Variants in FCRL3 observed in about 807,000 individuals in gnomAD.
FCRL3 encodes Fc receptor-like protein 3.
A neutral mutation model predicts 75.0 loss-of-function variants in FCRL3; 89 were observed. The ratio of observed to expected loss-of-function variants is 1.19; its 90% confidence interval spans 1.00 to 1.42. FCRL3 has a LOEUF of 1.42. FCRL3 is among the 40% of genes most tolerant of loss of function. The pLI, the probability that FCRL3 is intolerant of heterozygous loss-of-function variation, is 0.00. For missense variants in FCRL3, 946 were observed against 880.0 expected (o/e 1.07, Z -0.95); for synonymous variants, 376 against 348.5 (o/e 1.08, Z -0.88).
chr1:157,690,456 A>G lies in FCRL3; in HGVS notation c.1489T>C (p.Cys497Arg), dbSNP rs151156070. Residue 497 changes from cysteine to arginine, a missense_variant, in exon 9 of 15, where the codon TGT (cysteine) becomes CGT (arginine). Cys to Arg is a radical substitution (Grantham distance 180). Transcript: ENST00000368184. ...AVVGDLLELH[C>R]ESLRGSFPIL... ...GGGAAGGAGCCTCTCAGGGACTCAC[A>G]GTGAAGCTCCAGCAGGTCCCCCACC... is the stretch of plus-strand genomic sequence containing the variant. 6.8e-6 allele frequency: 11 copies of G among 1,614,128 alleles called. No individual in the cohort carries two copies. In the African/African-American group the frequency reaches 1.1e-4, roughly 16 times the overall value.
At chr1:157,689,736 A>T in intron 10 of FCRL3, 62 bp downstream of exon 10, 1 of 1,607,206 alleles carries the variant, frequency 6.2e-7, no homozygotes, top group Non-Finnish European at 8.5e-7. Context: ...GGTGCACCAG[A>T]CAACTTCAAA....
chr1:157,680,626 ACT>A, intron 13 of FCRL3, 74 bp downstream of exon 13: 2 of 1,248,850 alleles, frequency 1.6e-6, no homozygotes, highest in South Asian at 1.2e-5. Context: ...ATTTGAAATA[ACT>A]CTGATCAAAG....
At chr1:157,685,715 T>C (rs1655134442) in intron 10 of FCRL3, among the ~76,000 whole-genome samples, 1 of 152,102 alleles carries the variant, frequency 6.6e-6, no homozygotes. Context: ...AAAGCAGATA[T>C]CAATAAATTT....
At position 157,677,682 on chromosome 1, in the gene FCRL3, C is replaced by G. The variant is rs899114884; in HGVS notation, c.*1028G>C. The G allele has an allele frequency of 4.9e-6, 4 of 817,344 alleles. No homozygotes were observed. In the African/African-American group the frequency reaches 7.5e-5, roughly 15 times the overall value. The allele number at this position is 817,344 out of a possible 1,614,324, so 50.6% of individuals were successfully genotyped here. The stretch of plus-strand genomic sequence containing the variant: ...AAAACAAATGAACTATAGCAACACG[C>G]AACAATATGGATGAATCTTAGAAAT... On this transcript the variant is annotated 3_prime_UTR_variant, in exon 15 of 15. Coordinates refer to ENST00000368184, the MANE Select transcript of FCRL3 (RefSeq NM_052939.4).
In FCRL3 at chr1:157,676,595, G is replaced by A. The variant is rs368726099; in HGVS notation, c.*2115C>T. ...AAAGATAAAAGTCAAGTAGAGCACT[G>A]CATGAGAATAATTCATTTTACAGGG... On this transcript the variant is annotated 3_prime_UTR_variant, in exon 15 of 15. Transcript: ENST00000368184. The A allele has an allele frequency of 2.1e-4, 208 of 976,568 alleles. 2 individuals are homozygous for A. In the African/African-American group the frequency reaches 3.1e-3, roughly 15 times the overall value. The allele number at this position is 976,568 out of a possible 1,614,324, so 60.5% of individuals were successfully genotyped here. A position where few individuals can be genotyped will look rare whatever the true frequency, so the allele number is the denominator to read the frequency against.
chr1:157,697,224 C>T lies in FCRL3; in HGVS notation c.760G>A (p.Asp254Asn), dbSNP rs1655973631. 7 of 1,598,866 alleles carry T rather than the reference C, an allele frequency of 4.4e-6. No individual in the cohort carries two copies. Among genetic ancestry groups the T allele is most frequent in the Admixed American group, 1.7e-5 (1 of 57,612 alleles). ...ACCTCACACCAGTAAGACCCTGAGT[C>T]TTCAGTCCACATGGCAGGGATCTGG... is the stretch of plus-strand genomic sequence containing the variant. ...RLQIPAMWTE[D>N]SGSYWCEVET... Residue 254 changes from aspartate to asparagine, a missense_variant, in exon 6 of 15, where the codon GAC (aspartate) becomes AAC (asparagine). By Grantham distance (23) the Asp-to-Asn change is conservative (BLOSUM62 1). Coordinates refer to ENST00000368184, the MANE Select transcript of FCRL3 (RefSeq NM_052939.4).
Position 157,698,368 on chromosome 1 carries a change from C to A in FCRL3, c.298+16G>T. On this transcript the variant is annotated intron_variant, in intron 4 of 14. Coordinates refer to ENST00000368184, the MANE Select transcript of FCRL3 (RefSeq NM_052939.4). ...CCTGGTGGCTTGACTTTAGACACTC[C>A]CCTTCCATTCCTCACCAGGTGAAAA... The A allele has an allele frequency of 6.2e-7, 1 of 1,613,868 alleles. No individual in the cohort carries two copies. Among genetic ancestry groups the A allele is most frequent in the Non-Finnish European group, 8.5e-7 (1 of 1,179,890 alleles).
At position 157,695,377 on chromosome 1, in the gene FCRL3, T is replaced by C. The variant is rs756403772; in HGVS notation, c.1363A>G (p.Asn455Asp). Reference sequence around the variant, plus strand: ...TGACTGTGCTGGGCCCCCAGGCCATTGTCTGCATCACAGGAGTAGTTTCCA... The same window carrying C: ...TGACTGTGCTGGGCCCCCAGGCCATCGTCTGCATCACAGGAGTAGTTTCCA... The part of the protein sequence containing the change: ...HSGNYSCDAD[N>D]GLGAQHSHGV... Residue 455 changes from asparagine to aspartate, a missense_variant, in exon 8 of 15, where the codon AAT (asparagine) becomes GAT (aspartate). Asn to Asp is a conservative substitution (Grantham distance 23, BLOSUM62 1). Transcript: ENST00000368184. 6.8e-6 allele frequency: 11 copies of C among 1,614,136 alleles called. No individual in the cohort carries two copies. The African/African-American group carries it at 1.5e-4, about 22-fold the overall frequency.
At chr1:157,693,013 T>A (rs1655649389) in intron 8 of FCRL3, among the ~76,000 whole-genome samples, 1 of 152,092 alleles carries the variant, frequency 6.6e-6, no homozygotes, top group South Asian at 2.1e-4. Context: ...TGGTGGCTCA[T>A]GCCTGTAATT....
At position 157,697,703 on chromosome 1, in the gene FCRL3, A is replaced by G. The variant is rs1297718203; in HGVS notation, c.515T>C (p.Leu172Pro). ...HCTAYRKFYI[L>P]DIEVTSKPLN... ...GGGTTTTGAAGTTACTTCAATGTCAAGTATGTAAAACTTCCTATAAGCAGT... is the reference window on the plus strand; with the variant it reads ...GGGTTTTGAAGTTACTTCAATGTCAGGTATGTAAAACTTCCTATAAGCAGT... The change falls in exon 5 of 15, where the codon CTT becomes CCT. Residue 172 changes from leucine to proline, a missense_variant. Transcript: ENST00000368184. 1 of 1,614,010 alleles carries G rather than the reference A, an allele frequency of 6.2e-7. No individual in the cohort carries two copies. Among genetic ancestry groups the G allele is most frequent in the Non-Finnish European group, 8.5e-7 (1 of 1,179,936 alleles).
chr1:157,678,897 G>A, intron 14 of FCRL3, 41 bp from the exon 15 acceptor site: 1 of 1,614,098 alleles, frequency 6.2e-7, no homozygotes, highest in Non-Finnish European at 8.5e-7. Flanking sequence ...CTAAATACAG[G>A]AGAGGAAGGC....
chr1:157,699,828 C>G (rs1282929423), intron 2 of FCRL3, 116 bp from the exon 3 acceptor site: 2 of 1,113,258 alleles, frequency 1.8e-6, no homozygotes, highest in African/African-American at 3.1e-5. Flanking sequence ...TTTATATCAT[C>G]CAGAGCCCCT....
intron 10 of FCRL3, among the ~76,000 whole-genome samples, chr1:157,687,099 C>A (rs2101601506): frequency 6.6e-6 from 1 of 151,684 alleles, no homozygotes; most frequent in Non-Finnish European, 1.5e-5. Flanking sequence ...AAGCAAAAAC[C>A]AAATAACCCC....
At chr1:157,698,044 C>A in intron 4 of FCRL3, 125 bp from the exon 5 acceptor site, 3 of 1,080,044 alleles carry the variant, frequency 2.8e-6, no homozygotes, top group Middle Eastern at 2.8e-4. Context: ...CCCACATTGC[C>A]ATGTGGCCCC....
Position 157,689,915 on chromosome 1 carries a change from T to A in FCRL3, c.1693A>T (p.Thr565Ser). The change falls in exon 10 of 15, where the codon ACT becomes TCT. Residue 565 changes from threonine to serine, a missense_variant and splice_region_variant. By Grantham distance (58) the Thr-to-Ser change is moderately conservative. Transcript: ENST00000368184. ...GTAAGGCCTGTTCTGTTCCTGGAAG[T>A]TCCTGAGTGGAGGGAGCTGTACTTG... The part of the protein sequence containing the change: ...SKVVTLNVTG[T>S]SRNRTGLTAA... 6.2e-7 allele frequency: 1 copy of A among 1,614,096 alleles called. No homozygotes were observed. The highest frequency in any genetic ancestry group is 8.5e-7 in the Non-Finnish European group (1 of 1,179,966).
intron 13 of FCRL3, chr1:157,679,195 C>A (rs1394295887): frequency 8.3e-6 from 5 of 599,074 alleles, no homozygotes; most frequent in Non-Finnish European, 1.2e-5. Context: ...TCTTCCAAAC[C>A]CAAATAGAAA....
intron 10 of FCRL3, among the ~76,000 whole-genome samples, chr1:157,687,542 C>A: frequency 6.9e-6 from 1 of 145,224 alleles, no homozygotes; most frequent in South Asian, 2.3e-4. Flanking sequence ...ATCTAGGTGC[C>A]CACCAGTGGT....
Position 157,695,384 on chromosome 1 carries a change from A to C in FCRL3, c.1356T>G (p.Asp452Glu). The change falls in exon 8 of 15, where the codon GAT (aspartate) becomes GAG (glutamate). Residue 452 changes from aspartate to glutamate, a missense_variant. Asp to Glu is a conservative substitution (Grantham distance 45). Transcript: ENST00000368184. ...TAEHSGNYSC[D>E]ADNGLGAQHS... ...GCTGGGCCCCCAGGCCATTGTCTGC[A>C]TCACAGGAGTAGTTTCCAGAATGTT... The C allele has an allele frequency of 1.9e-6, 3 of 1,614,234 alleles. No individual in the cohort carries two copies. The highest frequency in any genetic ancestry group is 2.5e-6 in the Non-Finnish European group (3 of 1,180,026).
Position 157,695,336 on chromosome 1 carries a change from C to T in FCRL3, c.1404G>A (p.Arg468=). ...GAQHSHGVSL[R]VTVPVSRPVL... ...TGGGTATATCTTGCTTACCTGTGAC[C>T]CTGAGACTCACTCCATGACTGTGCT... The change falls in exon 8 of 15, where the codon AGG becomes AGA. Residue 468 remains arginine (R), a synonymous_variant. Coordinates refer to ENST00000368184, the MANE Select transcript of FCRL3 (RefSeq NM_052939.4). 6.2e-7 allele frequency: 1 copy of T among 1,613,142 alleles called. No individual in the cohort carries two copies. The highest frequency in any genetic ancestry group is 8.5e-7 in the Non-Finnish European group (1 of 1,179,446).
Sources: gnomAD v4.1 joint callset for allele counts (sites outside exome capture counted in the v4.1 genomes callset) on GRCh38, gnomAD v4.1.1 for gene constraint, MANE v1.5 for transcripts, NCBI Gene and HGNC (gene_info 2026-07-23, HGNC 2026-07-21) for gene names.